Variants in RTN4RL1 observed in about 807,000 individuals in gnomAD.
The protein encoded by RTN4RL1 is reticulon-4 receptor-like 1.
Under a neutral mutation model 25.6 loss-of-function variants are expected in RTN4RL1, and 7 were observed. The observed-to-expected ratio is 0.27, with a 90% confidence interval of 0.16 to 0.51. The LOEUF (loss-of-function observed/expected upper bound fraction) is 0.51. RTN4RL1 is among the 20% of genes least tolerant of loss of function. The probability of loss-of-function intolerance (pLI) is 0.97; values close to 1 mark genes in which losing one functional copy is unlikely to be tolerated. For missense variants in RTN4RL1, 500 were observed against 615.6 expected (o/e 0.81, Z 1.99); for synonymous variants, 297 against 288.2 (o/e 1.03, Z -0.31).
chr17:1,948,628 T>C (rs1335726020), intron 1 of RTN4RL1, among the ~76,000 whole-genome samples: 3 of 151,996 alleles, frequency 2.0e-5, no homozygotes, highest in Admixed American at 6.6e-5. Context: ...GACGGGCGGA[T>C]GGGCCCACCA....
intron 1 of RTN4RL1, among the ~76,000 whole-genome samples, chr17:2,023,346 G>C (rs551315461): frequency 5.5e-4 from 83 of 152,176 alleles, no homozygotes; most frequent in Admixed American, 2.0e-3. Flanking sequence ...CAGGGAAAAG[G>C]AGAACCTGGG....
At chr17:1,945,512 G>A (rs1484792756) in intron 1 of RTN4RL1, among the ~76,000 whole-genome samples, 4 of 152,104 alleles carry the variant, frequency 2.6e-5, no homozygotes, top group African/African-American at 9.7e-5. Context: ...GAGCCACTGC[G>A]CCCAGTCTTT....
At chr17:1,942,987 C>G (rs1201331322) in intron 1 of RTN4RL1, among the ~76,000 whole-genome samples, 4 of 152,200 alleles carry the variant, frequency 2.6e-5, no homozygotes, top group Non-Finnish European at 4.4e-5. Context: ...GAACCCAGAG[C>G]CAGGATGGCC....
chr17:2,008,345 A>T (rs1407944051), intron 1 of RTN4RL1, among the ~76,000 whole-genome samples: 1 of 152,090 alleles, frequency 6.6e-6, no homozygotes. Context: ...AAATTTTGAC[A>T]CATTAAAAAA....
At chr17:1,961,822 C>T (rs926068697) in intron 1 of RTN4RL1, among the ~76,000 whole-genome samples, 1 of 136,438 alleles carries the variant, frequency 7.3e-6, no homozygotes, top group African/African-American at 2.7e-5. Context: ...GTGGCATGTG[C>T]CTGTAATCCC....
At chr17:1,942,279 C>G (rs1915453956) in intron 1 of RTN4RL1, among the ~76,000 whole-genome samples, 1 of 152,188 alleles carries the variant, frequency 6.6e-6, no homozygotes, top group Non-Finnish European at 1.5e-5. Context: ...TCTGAGGCCT[C>G]ATTCATTCCC....
chr17:1,956,658 G>A (rs750334373), intron 1 of RTN4RL1, among the ~76,000 whole-genome samples: 4 of 151,914 alleles, frequency 2.6e-5, no homozygotes, highest in Admixed American at 2.6e-4. Context: ...GCAGAAATTG[G>A]TAACAGTTGC....
chr17:1,982,960 C>T (rs903877854), intron 1 of RTN4RL1, among the ~76,000 whole-genome samples: 5 of 152,286 alleles, frequency 3.3e-5, no homozygotes, highest in East Asian at 1.9e-4. Context: ...TCAGGCACCC[C>T]GCAGGGCAGC....
intron 1 of RTN4RL1, among the ~76,000 whole-genome samples, chr17:1,958,477 C>T (rs931442425): frequency 2.0e-5 from 3 of 152,150 alleles, no homozygotes; most frequent in African/African-American, 4.8e-5. Flanking sequence ...CTCATGAGGC[C>T]GGGGAAATGG....
intron 1 of RTN4RL1, among the ~76,000 whole-genome samples, chr17:1,989,876 T>C (rs2066902071): frequency 6.6e-6 from 1 of 151,618 alleles, no homozygotes; most frequent in African/African-American, 2.4e-5. Flanking sequence ...CTGGCCTGAG[T>C]GTCATTTCAA....
intron 1 of RTN4RL1, among the ~76,000 whole-genome samples, chr17:2,004,333 A>C (rs1340441148): frequency 1.4e-5 from 2 of 139,616 alleles, no homozygotes; most frequent in Non-Finnish European, 3.0e-5. Context: ...GCGCCACTGC[A>C]CTCCAGCCTG....
intron 1 of RTN4RL1, among the ~76,000 whole-genome samples, chr17:2,012,872 C>A (rs1009747712): frequency 6.6e-6 from 1 of 151,972 alleles, no homozygotes; most frequent in African/African-American, 2.4e-5. Context: ...CGGCTCACCG[C>A]AACTTCCACC....
chr17:1,947,130 CTA>C (rs1174759906), intron 1 of RTN4RL1, among the ~76,000 whole-genome samples: 9 of 143,362 alleles, frequency 6.3e-5, no homozygotes, highest in Admixed American at 4.2e-4. Flanking sequence ...CTGTGTGTGT[CTA>C]TGTTGAATGT....
intron 1 of RTN4RL1, among the ~76,000 whole-genome samples, chr17:2,011,525 TG>T: frequency 6.6e-6 from 1 of 152,036 alleles, no homozygotes; most frequent in East Asian, 1.9e-4. Flanking sequence ...TCCATGGCTT[TG>T]GATGTGGGGC....
chr17:1,976,845 A>G (rs944609192), intron 1 of RTN4RL1, among the ~76,000 whole-genome samples: 4 of 152,114 alleles, frequency 2.6e-5, no homozygotes, highest in African/African-American at 9.7e-5. Context: ...TTTAGTGGCT[A>G]TTTGCTCTTG....
Position 1,936,505 on chromosome 17 carries a change from A to G in RTN4RL1, c.1317T>C (p.Thr439=). ...LLAWTLGLAV[T]LR is the part of the protein sequence containing the mutation. ...CTGACGCCCTGGGTCCTCAGCGGAGAGTGACCGCCAGCCCCAGTGTCCAGG... is the reference window on the plus strand; with the variant it reads ...CTGACGCCCTGGGTCCTCAGCGGAGGGTGACCGCCAGCCCCAGTGTCCAGG... Residue 439 remains threonine (T), a synonymous_variant, in exon 2 of 2, where the codon ACT becomes ACC. Transcript: ENST00000331238. The G allele has an allele frequency of 1.3e-6, 2 of 1,544,902 alleles. No individual in the cohort carries two copies. Among genetic ancestry groups the G allele is most frequent in the Non-Finnish European group, 1.7e-6 (2 of 1,148,092 alleles).
chr17:1,983,311 G>T (rs978613467), intron 1 of RTN4RL1, among the ~76,000 whole-genome samples: 9 of 152,150 alleles, frequency 5.9e-5, no homozygotes, highest in Admixed American at 2.6e-4. Flanking sequence ...CTCCCAAAGG[G>T]CTGGGATGAC....
At chr17:1,950,105 C>T (rs761676010) in intron 1 of RTN4RL1, among the ~76,000 whole-genome samples, 13 of 151,868 alleles carry the variant, frequency 8.6e-5, no homozygotes, top group Middle Eastern at 3.4e-3. Flanking sequence ...GAGCCCGGGG[C>T]GGGAGCAACA....
At chr17:1,990,289 T>C (rs142676668) in intron 1 of RTN4RL1, among the ~76,000 whole-genome samples, 1 of 151,760 alleles carries the variant, frequency 6.6e-6, no homozygotes, top group East Asian at 1.9e-4. Flanking sequence ...ATCGCTTGAA[T>C]CTGGGAGGTG....
Sources: gnomAD v4.1 joint callset for allele counts (sites outside exome capture counted in the v4.1 genomes callset) on GRCh38, gnomAD v4.1.1 for gene constraint, MANE v1.5 for transcripts, NCBI Gene and HGNC (gene_info 2026-07-23, HGNC 2026-07-21) for gene names.